Variants in VAV2 observed in about 807,000 individuals in gnomAD.
VAV2 encodes the protein vav guanine nucleotide exchange factor 2, also known as guanine nucleotide exchange factor VAV2.
VAV2 carries 67 observed loss-of-function variants against 132.5 expected under a neutral mutation model. The ratio of observed to expected loss-of-function variants is 0.51; its 90% CI spans 0.42 to 0.62. VAV2 has a LOEUF of 0.62. Ranked by LOEUF, VAV2 falls within the 20% of genes least tolerant of loss-of-function variation. VAV2 has a pLI of 0.00. For synonymous variants in VAV2, 492 were observed against 443.5 expected (o/e 1.11, Z -1.37); for missense variants, 938 against 1,153.6 (o/e 0.81, Z 2.71).
chr9:133,925,596 C>A (rs1449981628), intron 2 of VAV2, among the ~76,000 whole-genome samples: 1 of 152,158 alleles, frequency 6.6e-6, no homozygotes, highest in Non-Finnish European at 1.5e-5. Flanking sequence ...GGCAGAGTGG[C>A]CAAGGAATCT....
intron 1 of VAV2, among the ~76,000 whole-genome samples, chr9:133,988,633 G>A (rs963491689): frequency 3.9e-5 from 6 of 152,208 alleles, no homozygotes; most frequent in Non-Finnish European, 5.9e-5. Flanking sequence ...CTTAAGAAAC[G>A]TGAGTTTCAG....
At chr9:133,956,665 G>C (rs1300008624) in intron 1 of VAV2, among the ~76,000 whole-genome samples, 1 of 152,226 alleles carries the variant, frequency 6.6e-6, no homozygotes, top group Non-Finnish European at 1.5e-5. Flanking sequence ...AGGCGAACCA[G>C]CACCAGGCCC....
chr9:133,851,435 T>A (rs10993824), intron 3 of VAV2, among the ~76,000 whole-genome samples: 14,078 of 152,252 alleles, frequency 0.092, 798 homozygotes, highest in South Asian at 0.14. Context: ...GTGAGGACAC[T>A]GAGGTTCAGG....
intron 19 of VAV2, 113 bp from the exon 20 acceptor site, chr9:133,780,823 G>A (rs1833982688): frequency 4.3e-6 from 5 of 1,166,806 alleles, no homozygotes; most frequent in Non-Finnish European, 5.5e-6. Flanking sequence ...TGGTAAGTGA[G>A]CCAAGCTACA....
In VAV2 at chr9:133,928,590, TTCTGCACTCAGCAA is replaced by T. The variant is rs1840565345; in HGVS notation, c.321+10499_321+10512del. 6.6e-6 allele frequency among the ~76,000 whole-genome samples: 1 copy of T among 152,152 alleles called. No homozygotes were observed. Among genetic ancestry groups the T allele is most frequent in the Admixed American group, 6.5e-5 (1 of 15,274 alleles). ...AAAGGCCTCGGGTGAGCACAGAGTC[TTCTGCACTCAGCAA>T]ATTAATGAACAAATACGAAGAGGAA... On this transcript the variant is annotated intron_variant, in intron 2 of 29. Coordinates refer to ENST00000371850, the MANE Select transcript of VAV2 (RefSeq NM_001134398.2). This position sits in a 1 kb window ranked among gnomAD's most constrained non-coding sequence, Gnocchi z 5.4.
chr9:133,934,799 C>A (rs568048424), intron 2 of VAV2, among the ~76,000 whole-genome samples: 19 of 152,300 alleles, frequency 1.2e-4, no homozygotes, highest in African/African-American at 4.1e-4. Context: ...TCCACAGTCG[C>A]GAGAGCCGAT....
chr9:133,982,868 G>T (rs1445051289), intron 1 of VAV2, among the ~76,000 whole-genome samples: 1 of 152,216 alleles, frequency 6.6e-6, no homozygotes, highest in East Asian at 1.9e-4. Flanking sequence ...TTTCATGGGA[G>T]CATTGCCACG....
intron 2 of VAV2, among the ~76,000 whole-genome samples, chr9:133,882,295 G>A (rs892143091): frequency 3.9e-5 from 6 of 152,246 alleles, no homozygotes; most frequent in Non-Finnish European, 7.3e-5. Flanking sequence ...GACCCTGTCC[G>A]CTCAGCCTTC....
chr9:133,953,771 A>T (rs1022354854), intron 1 of VAV2, among the ~76,000 whole-genome samples: 7 of 152,094 alleles, frequency 4.6e-5, no homozygotes, highest in Admixed American at 1.3e-4. Flanking sequence ...CACCCTGGGA[A>T]ACCCAGCTCC....
chr9:133,810,185 A>G lies in VAV2; in HGVS notation c.567+6T>C, dbSNP rs373147376. The stretch of plus-strand genomic sequence containing the variant: ...CGTCCCCAGCCTCCCCTTCCGGGCC[A>G]CTCACCTGCATGTATCTAATCTGCA... On this transcript the variant is annotated splice_donor_region_variant and intron_variant, in intron 6 of 29. Transcript: ENST00000371850. 5.5e-4 allele frequency: 881 copies of G among 1,613,272 alleles called. No individual in the cohort carries two copies. The highest frequency in any genetic ancestry group is 6.7e-4 in the Non-Finnish European group (796 of 1,179,772).
At chr9:133,799,877 G>A (rs1834865355) in intron 9 of VAV2, among the ~76,000 whole-genome samples, 1 of 152,206 alleles carries the variant, frequency 6.6e-6, no homozygotes, top group African/African-American at 2.4e-5. Context: ...GCCCGAAAGT[G>A]AGCGGACAAG....
In VAV2 at chr9:133,912,337, G is replaced by A. The variant is rs553255328; in HGVS notation, c.321+26766C>T. 4.6e-5 allele frequency among the ~76,000 whole-genome samples: 7 copies of A among 152,314 alleles called. No homozygotes were observed. The highest frequency in any genetic ancestry group is 4.1e-4 in the South Asian group (2 of 4,832). On this transcript the variant is annotated intron_variant, in intron 2 of 29. Transcript: ENST00000371850. The surrounding 1 kb of genome is among the most constrained non-coding windows in gnomAD (Gnocchi z 4.3). The stretch of plus-strand genomic sequence containing the variant: ...TTCCAGGTCTGGGAACATGAGACCC[G>A]GGCTGAACACGAGGCTATGTCCGTC...
chr9:133,928,621 G>A lies in VAV2; in HGVS notation c.321+10482C>T, dbSNP rs1018804191. ...ACTCAGCAAATTAATGAACAAATAC[G>A]AAGAGGAAATGAACAAACACATGCA... On this transcript the variant is annotated intron_variant, in intron 2 of 29. Transcript: ENST00000371850. This position sits in a 1 kb window ranked among gnomAD's most constrained non-coding sequence, Gnocchi z 5.4. Among the ~76,000 whole-genome samples, 3 of 152,190 alleles carry A rather than the reference G, an allele frequency of 2.0e-5. No individual in the cohort carries two copies. Among genetic ancestry groups the A allele is most frequent in the Non-Finnish European group, 2.9e-5 (2 of 68,040 alleles).
At chr9:133,923,501 T>C (rs1402408120) in intron 2 of VAV2, among the ~76,000 whole-genome samples, 1 of 152,148 alleles carries the variant, frequency 6.6e-6, no homozygotes, top group African/African-American at 2.4e-5. Context: ...CAATACATGC[T>C]GGAGAGGATG....
chr9:133,835,527 C>T (rs199614806), intron 3 of VAV2, among the ~76,000 whole-genome samples: 1 of 152,208 alleles, frequency 6.6e-6, no homozygotes, highest in Non-Finnish European at 1.5e-5. Context: ...ACACGAAAGG[C>T]CCCTTAATTA....
chr9:133,953,722 A>T (rs1284471930), intron 1 of VAV2, among the ~76,000 whole-genome samples: 1 of 152,124 alleles, frequency 6.6e-6, no homozygotes, highest in African/African-American at 2.4e-5. Context: ...CCTTTCCGGC[A>T]GGGAGATGCA....
intron 13 of VAV2, among the ~76,000 whole-genome samples, chr9:133,790,874 G>C (rs575443390): frequency 2.6e-5 from 4 of 152,310 alleles, no homozygotes; most frequent in Admixed American, 2.6e-4. Flanking sequence ...CTTCATGTCA[G>C]TGAAATCACC....
chr9:133,973,367 G>A (rs960880075), intron 1 of VAV2, among the ~76,000 whole-genome samples: 1 of 152,188 alleles, frequency 6.6e-6, no homozygotes, highest in African/African-American at 2.4e-5. Flanking sequence ...GAAAGAACAG[G>A]CTTCTTCTGG....
chr9:133,945,415 TAAC>T (rs1487366130), intron 1 of VAV2, among the ~76,000 whole-genome samples: 4 of 152,120 alleles, frequency 2.6e-5, no homozygotes, highest in Admixed American at 2.0e-4. Flanking sequence ...CGGCACATAA[TAAC>T]TAACTAGCAC....
Sources: allele counts gnomAD v4.1 joint callset (sites outside exome capture counted in the v4.1 genomes callset), GRCh38; gene constraint gnomAD v4.1.1; non-coding constraint Gnocchi (gnomAD v3.1); transcripts MANE v1.5; gene names NCBI Gene and HGNC (gene_info 2026-07-23, HGNC 2026-07-21).